Variants in FAM20C observed in about 807,000 individuals in gnomAD.
FAM20C encodes the protein extracellular serine/threonine protein kinase FAM20C.
In FAM20C, 40 loss-of-function variants were observed where a neutral mutation model predicts 51.5. That is an observed-to-expected ratio of 0.78 (90% CI 0.60 to 1.01). FAM20C has a LOEUF of 1.01. Ranked by LOEUF, FAM20C falls within the 50% of genes least tolerant of loss-of-function variation. The probability of loss-of-function intolerance (pLI) is 0.00; values close to 1 mark genes in which losing one functional copy is unlikely to be tolerated. For synonymous variants in FAM20C, 406 were observed against 380.6 expected, an observed-to-expected ratio of 1.07 and a Z score of -0.78; for missense variants, 861 against 844.7, an observed-to-expected ratio of 1.02 and a Z score of -0.24.
rs552595150 is a variant in FAM20C, at chr7:253,601, G to A, written c.1073-2248G>A. Among the ~76,000 whole-genome samples, 259 of 152,334 alleles carry A rather than the reference G, an allele frequency of 1.7e-3. 1 individual carries two copies. The highest frequency in any genetic ancestry group is 5.7e-3 in the African/African-American group (236 of 41,578). ...TTCGTTACCTGGACAGCTGCCTCCC[G>A]TGGCTTCTTTGTGTAATTCCCAGCC... is the stretch of plus-strand genomic sequence containing the variant. On this transcript the variant is annotated intron_variant, in intron 5 of 9. Transcript: ENST00000313766.
chr7:235,295 A>G (rs1223776435), intron 3 of FAM20C, among the ~76,000 whole-genome samples: 1 of 151,982 alleles, frequency 6.6e-6, no homozygotes, highest in Non-Finnish European at 1.5e-5. Flanking sequence ...GGTCTGGGGT[A>G]TCCGGCGCCT....
intron 4 of FAM20C, among the ~76,000 whole-genome samples, chr7:247,876 G>T (rs1027745051): frequency 6.6e-6 from 1 of 152,232 alleles, no homozygotes; most frequent in South Asian, 2.1e-4. Flanking sequence ...TGGTCACCTC[G>T]CCTCACAGGA....
intron 3 of FAM20C, among the ~76,000 whole-genome samples, chr7:230,776 T>C (rs954154037): frequency 1.2e-4 from 5 of 43,340 alleles, no homozygotes; most frequent in African/African-American, 1.9e-4. Flanking sequence ...GGAAAATTCC[T>C]GTGTGTTTAC....
At chr7:232,571 G>C (rs997662701) in intron 3 of FAM20C, among the ~76,000 whole-genome samples, 3 of 152,342 alleles carry the variant, frequency 2.0e-5, no homozygotes, top group African/African-American at 7.2e-5. Context: ...GTCCCTCATA[G>C]GCATTGGTAA....
At chr7:255,687 C>A (rs993440960) in intron 5 of FAM20C, among the ~76,000 whole-genome samples, 162 bp from the exon 6 acceptor site, 1 of 147,348 alleles carries the variant, frequency 6.8e-6, no homozygotes, top group Admixed American at 6.7e-5. Context: ...TTTTTCTGTA[C>A]CGTGGGGTGG....
chr7:227,811 C>T lies in FAM20C; in HGVS notation c.864-18604C>T, dbSNP rs558482025. 2.6e-5 allele frequency: 4 copies of T among 152,618 alleles called. No homozygotes were observed. The South Asian group carries it at 6.2e-4, about 24-fold the overall frequency. 9.5% of individuals were successfully genotyped at this position (152,618 alleles called of 1,614,324 possible). On this transcript the variant is annotated intron_variant, in intron 3 of 9. Transcript: ENST00000313766. ...GCTTTTGAAATAAAGTCTAAACCAT[C>T]GCAATTGTTTTCAAGTGGAAATGAC...
chr7:233,322 G>A lies in FAM20C; in HGVS notation c.864-13093G>A, dbSNP rs928130428. Reference sequence around the variant, plus strand: ...GAGCCTTAGCATTGATGGCCTGACTGGATTTGGAGGAAACAGGTCGTAATT... The same window carrying A: ...GAGCCTTAGCATTGATGGCCTGACTAGATTTGGAGGAAACAGGTCGTAATT... On this transcript the variant is annotated intron_variant, in intron 3 of 9. Coordinates refer to ENST00000313766, the MANE Select transcript of FAM20C (RefSeq NM_020223.4). Among the ~76,000 whole-genome samples the A allele has an allele frequency of 2.9e-3, 438 of 152,308 alleles. 2 individuals are homozygous for A. The Middle Eastern group carries it at 0.051, about 18-fold the overall frequency.
rs531804051 is a variant in FAM20C, at chr7:207,501, A to T, written c.785-1397A>T. On this transcript the variant is annotated intron_variant, in intron 2 of 9. Transcript: ENST00000313766. Reference sequence around the variant, plus strand: ...TGCCCCTCGCTCCGAGAGCAGCTCAAATGTTAGCTCCCTAGGGAGGCTGCT... The same window carrying T: ...TGCCCCTCGCTCCGAGAGCAGCTCATATGTTAGCTCCCTAGGGAGGCTGCT... 1.2e-3 allele frequency among the ~76,000 whole-genome samples: 179 copies of T among 152,182 alleles called. 1 individual carries two copies. The highest frequency in any genetic ancestry group is 4.2e-3 in the African/African-American group (176 of 41,472).
chr7:208,405 T>A (rs368945692), intron 2 of FAM20C, among the ~76,000 whole-genome samples: 1 of 142,168 alleles, frequency 7.0e-6, no homozygotes, highest in Non-Finnish European at 1.6e-5. Context: ...CTGTGGGGTG[T>A]GTGCTGATGT....
chr7:255,202 C>A (rs368974092), intron 5 of FAM20C, among the ~76,000 whole-genome samples: 5 of 152,222 alleles, frequency 3.3e-5, no homozygotes, highest in Non-Finnish European at 7.3e-5. Flanking sequence ...GTGCACCCCC[C>A]GCCAGCAGCG....
intron 3 of FAM20C, chr7:228,137 C>T (rs901846215): frequency 3.2e-5 from 10 of 312,318 alleles, no homozygotes; most frequent in Non-Finnish European, 5.7e-5. Context: ...GCGCACAGGC[C>T]TGTGCCTGCG....
intron 1 of FAM20C, 43 bp downstream of exon 1, chr7:193,847 A>G (rs946254491): frequency 6.5e-7 from 1 of 1,540,168 alleles, no homozygotes; most frequent in Non-Finnish European, 8.8e-7. Context: ...GGGAGCCGTG[A>G]GCCCAAGGCA....
intron 3 of FAM20C, among the ~76,000 whole-genome samples, chr7:209,449 T>C (rs1365698301): frequency 6.6e-6 from 1 of 152,150 alleles, no homozygotes; most frequent in African/African-American, 2.4e-5. Context: ...ACGCAGTACG[T>C]GGTGATGGGG....
intron 6 of FAM20C, 161 bp downstream of exon 6, chr7:256,190 C>T (rs1055553538): frequency 2.3e-5 from 21 of 915,366 alleles, no homozygotes; most frequent in Middle Eastern, 6.8e-4. Flanking sequence ...CCTGATGAGA[C>T]GGTGGCAGAG....
chr7:230,188 G>T (rs1011152064), intron 3 of FAM20C, among the ~76,000 whole-genome samples: 1 of 152,144 alleles, frequency 6.6e-6, no homozygotes, highest in Non-Finnish European at 1.5e-5. Flanking sequence ...TAAGAGGGAG[G>T]TGGAGGGAGA....
At chr7:258,452 GA>G (rs1359853477) in intron 8 of FAM20C, among the ~76,000 whole-genome samples, 193 bp from the exon 9 acceptor site, 7 of 51,108 alleles carry the variant, frequency 1.4e-4, no homozygotes, top group East Asian at 5.2e-4. Flanking sequence ...AGATGGGTGG[GA>G]TGGACCCACT....
chr7:206,710 C>T (rs62430282), intron 2 of FAM20C, among the ~76,000 whole-genome samples: 844 of 29,806 alleles, frequency 0.028, 12 homozygotes, highest in African/African-American at 0.054. Flanking sequence ...CACTGTGACG[C>T]GTCTGTCATG....
chr7:195,019 A>G (rs1223154106), intron 1 of FAM20C, among the ~76,000 whole-genome samples: 6 of 152,144 alleles, frequency 3.9e-5, no homozygotes, highest in Non-Finnish European at 8.8e-5. Context: ...TCCCCACCCA[A>G]GGCTGCTCTC....
intron 5 of FAM20C, among the ~76,000 whole-genome samples, chr7:251,086 T>C (rs1259292413): frequency 2.0e-5 from 3 of 152,166 alleles, no homozygotes; most frequent in African/African-American, 7.2e-5. Flanking sequence ...GAACTCCTCA[T>C]TTTGTTGTAA....
Sources: allele counts gnomAD v4.1 joint callset (sites outside exome capture counted in the v4.1 genomes callset), GRCh38; gene constraint gnomAD v4.1.1; transcripts MANE v1.5; gene names NCBI Gene and HGNC (gene_info 2026-07-23, HGNC 2026-07-21).